Variants in RAD18 observed in about 807,000 individuals in gnomAD.
The protein encoded by RAD18 is E3 ubiquitin-protein ligase RAD18.
RAD18 carries 47 observed loss-of-function variants against 60.4 expected under a neutral mutation model. The observed-to-expected ratio is 0.78, with a 90% CI of 0.62 to 0.99. RAD18 has a LOEUF of 0.99. RAD18 is among the 50% of genes least tolerant of loss of function. RAD18 has a pLI of 0.00. For missense variants in RAD18, 640 were observed against 593.3 expected, an observed-to-expected ratio of 1.08 and a Z score of -0.82; for synonymous variants, 225 against 195.5, an observed-to-expected ratio of 1.15 and a Z score of -1.26.
At chr3:8,922,071 G>A (rs1940330509) in intron 7 of RAD18, among the ~76,000 whole-genome samples, 1 of 152,178 alleles carries the variant, frequency 6.6e-6, no homozygotes, top group East Asian at 1.9e-4. Flanking sequence ...ATCTCACTGG[G>A]GATTTTCGGA....
At chr3:8,924,881 T>C (rs1940401246) in intron 7 of RAD18, among the ~76,000 whole-genome samples, 1 of 151,816 alleles carries the variant, frequency 6.6e-6, no homozygotes, top group Admixed American at 6.6e-5. Context: ...AGACACAACA[T>C]ACCAGAATCT....
At chr3:8,907,838 T>C (rs554898191) in intron 9 of RAD18, among the ~76,000 whole-genome samples, 35 of 152,288 alleles carry the variant, frequency 2.3e-4, no homozygotes, top group African/African-American at 8.4e-4. Context: ...AGAACCCACA[T>C]GCTGAAAGGG....
intron 1 of RAD18, among the ~76,000 whole-genome samples, chr3:8,961,026 T>C (rs1344194822): frequency 6.6e-6 from 1 of 152,206 alleles, no homozygotes; most frequent in Non-Finnish European, 1.5e-5. Flanking sequence ...TAAAGGGTTA[T>C]GTTCAAGATC....
At chr3:8,893,790 G>A (rs2125048121) in intron 11 of RAD18, among the ~76,000 whole-genome samples, 1 of 145,964 alleles carries the variant, frequency 6.9e-6, no homozygotes, top group Non-Finnish European at 1.5e-5. Context: ...TCAACCTCCT[G>A]TGCTCAAGGA....
rs1574826058 is a variant in RAD18, at chr3:8,948,660, AT to A, written c.134-91del. 3 of 1,091,472 alleles carry A rather than the reference AT, an allele frequency of 2.7e-6. No individual in the cohort carries two copies. The African/African-American group carries it at 4.7e-5, about 17-fold the overall frequency. 67.6% of individuals were successfully genotyped at this position (1,091,472 alleles called of 1,614,324 possible). A position where few individuals can be genotyped will look rare whatever the true frequency, so the allele number is the denominator to read the frequency against. On this transcript the variant is annotated intron_variant, in intron 2 of 12. Transcript: ENST00000264926. Reference sequence around the variant, plus strand: ...CTAACAAAATCTTAAGCCCTAGACTATTTCCGTCATCTAAGGTATATCATCA... The same window carrying A: ...CTAACAAAATCTTAAGCCCTAGACTATTCCGTCATCTAAGGTATATCATCA...
At chr3:8,915,879 G>T (rs1195986352) in intron 7 of RAD18, among the ~76,000 whole-genome samples, 1 of 152,076 alleles carries the variant, frequency 6.6e-6, no homozygotes, top group Non-Finnish European at 1.5e-5. Context: ...CACCGCACCT[G>T]GCCTTGCAGG....
intron 9 of RAD18, among the ~76,000 whole-genome samples, chr3:8,906,801 T>TG (rs1940012735): frequency 1.3e-5 from 2 of 150,610 alleles, no homozygotes; most frequent in South Asian, 4.2e-4. Flanking sequence ...ACAGTTTTTT[T>TG]TTTTTTAATC....
At chr3:8,958,792 C>T (rs1941050551) in intron 2 of RAD18, 128 bp downstream of exon 2, 1 of 703,138 alleles carries the variant, frequency 1.4e-6, no homozygotes, top group Non-Finnish European at 2.4e-6. Context: ...AAAAGACCTT[C>T]TGAAAAACTA....
chr3:8,932,644 G>C (rs1448697874), intron 7 of RAD18, among the ~76,000 whole-genome samples: 1 of 152,106 alleles, frequency 6.6e-6, no homozygotes, highest in Non-Finnish European at 1.5e-5. Context: ...CCACCCAAGA[G>C]AAATGAAAAC....
At chr3:8,908,648 G>T (rs776667288) in intron 9 of RAD18, among the ~76,000 whole-genome samples, 1 of 151,988 alleles carries the variant, frequency 6.6e-6, no homozygotes, top group Non-Finnish European at 1.5e-5. Context: ...TAAGCCATGC[G>T]GTCTGCATGC....
At chr3:8,922,922 C>A (rs1940353178) in intron 7 of RAD18, among the ~76,000 whole-genome samples, 1 of 152,150 alleles carries the variant, frequency 6.6e-6, no homozygotes, top group Admixed American at 6.5e-5. Context: ...CTGTACGTCA[C>A]CATCATCAAA....
In RAD18 at chr3:8,948,580, A is replaced by C. The variant is rs747321826; in HGVS notation, c.134-10T>G. The stretch of plus-strand genomic sequence containing the variant: ...ATACAGAGAGAGCAGTCTGCAAAAC[A>C]CAAAGTGCAACATAATGTTAATTAA... On this transcript the variant is annotated splice_polypyrimidine_tract_variant and intron_variant, in intron 2 of 12. Transcript: ENST00000264926. 1 of 1,596,242 alleles carries C rather than the reference A, an allele frequency of 6.3e-7. No individual in the cohort carries two copies. Among genetic ancestry groups the C allele is most frequent in the Non-Finnish European group, 8.6e-7 (1 of 1,164,726 alleles).
intron 9 of RAD18, among the ~76,000 whole-genome samples, chr3:8,905,559 A>G (rs1056688360): frequency 2.0e-5 from 3 of 152,216 alleles, no homozygotes; most frequent in Admixed American, 2.0e-4. Flanking sequence ...AAAATCCCAT[A>G]TATTTCTTTC....
At chr3:8,911,824 T>A (rs533116944) in intron 9 of RAD18, among the ~76,000 whole-genome samples, 2 of 152,274 alleles carry the variant, frequency 1.3e-5, no homozygotes, top group African/African-American at 4.8e-5. Context: ...GACAAAACAG[T>A]AATGTGTTAG....
intron 7 of RAD18, 140 bp downstream of exon 7, chr3:8,935,731 C>T: frequency 1.3e-6 from 1 of 789,582 alleles, no homozygotes; most frequent in Non-Finnish European, 1.9e-6. Flanking sequence ...CTCTAGGTAC[C>T]TTTTGAAGGA....
intron 3 of RAD18, 76 bp downstream of exon 3, chr3:8,948,433 C>A: frequency 1.5e-6 from 2 of 1,306,588 alleles, no homozygotes; most frequent in East Asian, 4.6e-5. Flanking sequence ...TATATATACA[C>A]AGGCTTTTAC....
intron 7 of RAD18, among the ~76,000 whole-genome samples, chr3:8,933,370 G>A (rs1940592401): frequency 6.6e-6 from 1 of 152,090 alleles, no homozygotes; most frequent in African/African-American, 2.4e-5. Context: ...TGAAGGAAAT[G>A]TTCTACATTT....
chr3:8,919,648 G>C (rs2125058019), intron 7 of RAD18, among the ~76,000 whole-genome samples: 1 of 152,324 alleles, frequency 6.6e-6, no homozygotes, highest in East Asian at 1.9e-4. Flanking sequence ...ATATTTCCCA[G>C]CTTCATCTGC....
In RAD18 at chr3:8,880,040, T is replaced by A. The variant is rs1299527247; in HGVS notation, c.*1317A>T. The A allele has an allele frequency of 6.6e-6, 1 of 152,194 alleles. No homozygotes were observed. Among genetic ancestry groups the A allele is most frequent in the African/African-American group, 2.4e-5 (1 of 41,450 alleles). The allele number at this position is 152,194 out of a possible 1,614,324, so 9.4% of individuals were successfully genotyped here. On this transcript the variant is annotated 3_prime_UTR_variant, in exon 13 of 13. Transcript: ENST00000264926. Reference sequence around the variant, plus strand: ...CCTCACATCAGTTCTGCCGATAGATTTGGTAAGTGGTGCTTTTAGTTTCCT... The same window carrying A: ...CCTCACATCAGTTCTGCCGATAGATATGGTAAGTGGTGCTTTTAGTTTCCT...
Sources: gnomAD v4.1 joint callset for allele counts (sites outside exome capture counted in the v4.1 genomes callset) on GRCh38, gnomAD v4.1.1 for gene constraint, MANE v1.5 for transcripts, NCBI Gene and HGNC (gene_info 2026-07-23, HGNC 2026-07-21) for gene names.